Variants in RARB observed in about 807,000 individuals in gnomAD.
RARB encodes HBV-activated protein.
Under a neutral mutation model 51.9 loss-of-function variants are expected in RARB, and 17 were observed. The ratio of observed to expected loss-of-function variants is 0.33; its 90% confidence interval spans 0.22 to 0.49. The LOEUF (loss-of-function observed/expected upper bound fraction) is 0.49, where lower values mean the gene tolerates loss of function less well. Ranked by LOEUF, RARB falls within the 20% of genes least tolerant of loss-of-function variation. The pLI, the probability that RARB is intolerant of heterozygous loss-of-function variation, is 0.99. For missense variants in RARB, 369 were observed against 550.8 expected, an observed-to-expected ratio of 0.67 and a Z score of 3.30; for synonymous variants, 215 against 195.4, an observed-to-expected ratio of 1.10 and a Z score of -0.84.
Position 24,908,773 on chromosome 3 carries a change from T to C in RARB, c.-380+50021T>C, listed in dbSNP as rs1045331542. Among the ~76,000 whole-genome samples the C allele has an allele frequency of 3.4e-5, 5 of 149,122 alleles. No homozygotes were observed. In the East Asian group the frequency reaches 1.0e-3, roughly 30 times the overall value. ...GGAAATGTTGAGACCTTAATAGACCTGTTACCTTTGTAATTCTATAAACCA... is the reference window on the plus strand; with the variant it reads ...GGAAATGTTGAGACCTTAATAGACCCGTTACCTTTGTAATTCTATAAACCA... On this transcript the variant is annotated intron_variant, in intron 2 of 11. Transcript: ENST00000383772.
intron 5 of RARB, among the ~76,000 whole-genome samples, chr3:25,352,997 T>C (rs1705622790): frequency 6.6e-6 from 1 of 152,194 alleles, no homozygotes; most frequent in African/African-American, 2.4e-5. Flanking sequence ...AAGTGAGAAG[T>C]CATCTTCTGA....
chr3:24,836,372 G>C (rs1429935881), intron 1 of RARB, among the ~76,000 whole-genome samples: 1 of 152,120 alleles, frequency 6.6e-6, no homozygotes, highest in Non-Finnish European at 1.5e-5. Flanking sequence ...CTGTTTTCTA[G>C]CAAAGTTTGT....
rs112430878 is a variant in RARB at position 25,164,977 on chromosome 3, G to A, written c.-279-9142G>A. 2.2e-3 allele frequency among the ~76,000 whole-genome samples: 331 copies of A among 152,258 alleles called. 2 individuals carry two copies. The highest frequency in any genetic ancestry group is 0.02 in the East Asian group (106 of 5,172). ...GCAGGTCGACCTTCAGCCATGGTCT[G>A]TGATCACAGTCAACTCAAGATTGGG... is the stretch of plus-strand genomic sequence containing the variant. On this transcript the variant is annotated intron_variant, in intron 4 of 11. Transcript: ENST00000383772.
intron 3 of RARB, among the ~76,000 whole-genome samples, chr3:25,550,972 C>T (rs1173552279): frequency 6.6e-6 from 1 of 152,120 alleles, no homozygotes; most frequent in East Asian, 1.9e-4. Context: ...ACCAAGTTTT[C>T]TTTAGGGGAT....
At chr3:24,881,601 A>G (rs769595984) in intron 2 of RARB, among the ~76,000 whole-genome samples, 3 of 152,248 alleles carry the variant, frequency 2.0e-5, no homozygotes, top group East Asian at 1.9e-4. Context: ...CAGATTACCT[A>G]TAAATGTTTG....
chr3:25,500,301 C>T (rs929887852), intron 2 of RARB, among the ~76,000 whole-genome samples: 3 of 152,080 alleles, frequency 2.0e-5, no homozygotes, highest in Admixed American at 1.3e-4. Flanking sequence ...TGGGCAGACA[C>T]TCATTTTTAT....
At chr3:25,075,220 C>A (rs1335871337) in intron 3 of RARB, among the ~76,000 whole-genome samples, 1 of 152,114 alleles carries the variant, frequency 6.6e-6, no homozygotes, top group African/African-American at 2.4e-5. Flanking sequence ...TGTCTGCTTG[C>A]GTTTTGTCCT....
intron 2 of RARB, among the ~76,000 whole-genome samples, chr3:24,979,825 G>T (rs1031324379): frequency 6.6e-5 from 10 of 152,138 alleles, no homozygotes; most frequent in Admixed American, 2.0e-4. Context: ...TACGATGCTA[G>T]TTGGTTATTT....
chr3:25,339,860 A>C (rs551739642), intron 5 of RARB, among the ~76,000 whole-genome samples: 2 of 152,246 alleles, frequency 1.3e-5, no homozygotes, highest in African/African-American at 4.8e-5. Context: ...GATCATCCTC[A>C]ACAGTTTCCA....
chr3:25,082,259 T>C (rs779977058), intron 3 of RARB, among the ~76,000 whole-genome samples: 6 of 152,128 alleles, frequency 3.9e-5, no homozygotes, highest in Non-Finnish European at 7.4e-5. Context: ...TTATATGTTA[T>C]ATTTATATAA....
chr3:25,500,425 G>A (rs903617975), intron 2 of RARB, among the ~76,000 whole-genome samples: 4 of 129,690 alleles, frequency 3.1e-5, no homozygotes, highest in Non-Finnish European at 6.5e-5. Flanking sequence ...CTTGCATTAG[G>A]CAAATAATTT....
chr3:24,919,527 C>G (rs982527471), intron 2 of RARB, among the ~76,000 whole-genome samples: 3 of 152,128 alleles, frequency 2.0e-5, no homozygotes, highest in Non-Finnish European at 4.4e-5. Flanking sequence ...ATTTACTGTA[C>G]GTCACTTTCT....
intron 1 of RARB, among the ~76,000 whole-genome samples, chr3:24,845,596 C>A (rs1395987327): frequency 6.6e-6 from 1 of 152,182 alleles, no homozygotes; most frequent in African/African-American, 2.4e-5. Flanking sequence ...GAAATGTAAC[C>A]TATCCATGTG....
chr3:25,334,249 T>C (rs1704993263), intron 5 of RARB, among the ~76,000 whole-genome samples: 1 of 152,158 alleles, frequency 6.6e-6, no homozygotes, highest in Non-Finnish European at 1.5e-5. Context: ...TGCAGCACTA[T>C]TCACAATAAC....
chr3:25,096,742 G>A (rs1699299310), intron 3 of RARB, among the ~76,000 whole-genome samples: 1 of 152,136 alleles, frequency 6.6e-6, no homozygotes, highest in Admixed American at 6.6e-5. Context: ...TGATTAATCT[G>A]GGGGTGGACC....
chr3:25,378,256 G>A (rs1706522847), intron 5 of RARB, among the ~76,000 whole-genome samples: 1 of 152,220 alleles, frequency 6.6e-6, no homozygotes, highest in Non-Finnish European at 1.5e-5. Context: ...TTAGGAAACA[G>A]ATGGAAGCCA....
chr3:24,862,464 A>G (rs916190359), intron 2 of RARB, among the ~76,000 whole-genome samples: 2 of 152,182 alleles, frequency 1.3e-5, no homozygotes, highest in African/African-American at 2.4e-5. Context: ...GTCTGAAAAT[A>G]TAAGATTGGA....
chr3:25,467,892 T>G (rs999472584), intron 2 of RARB, among the ~76,000 whole-genome samples: 1 of 152,222 alleles, frequency 6.6e-6, no homozygotes, highest in Admixed American at 6.5e-5. Context: ...TCATGGAATT[T>G]AGTGTCTCAC....
intron 5 of RARB, among the ~76,000 whole-genome samples, chr3:25,197,428 T>C (rs576002079): frequency 6.6e-6 from 1 of 152,222 alleles, no homozygotes; most frequent in South Asian, 2.1e-4. Context: ...CGTCTACGTA[T>C]CTGTTTTGGT....
Sources: gnomAD v4.1 joint callset for allele counts (sites outside exome capture counted in the v4.1 genomes callset) on GRCh38, gnomAD v4.1.1 for gene constraint, MANE v1.5 for transcripts, NCBI Gene and HGNC (gene_info 2026-07-23, HGNC 2026-07-21) for gene names.